FAM91A1: variants seen among roughly 807,000 people sequenced by gnomAD.
FAM91A1 encodes the protein family with sequence similarity 91 member A1.
FAM91A1 carries 41 observed loss-of-function variants against 113.5 expected under a neutral mutation model. The observed-to-expected ratio is 0.36, with a 90% CI of 0.28 to 0.47. The LOEUF is 0.47. Among genes scored for constraint, FAM91A1 ranks in the 20% least tolerant of loss-of-function variants. The pLI, the probability that FAM91A1 is intolerant of heterozygous loss-of-function variation, is 1.00. For synonymous variants in FAM91A1, 307 were observed against 347.9 expected, an observed-to-expected ratio of 0.88 and a Z score of 1.31; for missense variants, 696 against 1,001.2, an observed-to-expected ratio of 0.70 and a Z score of 4.11.
At chr8:123,779,027 A>C (rs1815055829) in intron 6 of FAM91A1, among the ~76,000 whole-genome samples, 1 of 152,198 alleles carries the variant, frequency 6.6e-6, no homozygotes, top group South Asian at 2.1e-4. Flanking sequence ...CTTCGTGTAA[A>C]GTAACATGAT....
At chr8:123,805,730 A>G (rs1312296503) in intron 19 of FAM91A1, among the ~76,000 whole-genome samples, 1 of 152,224 alleles carries the variant, frequency 6.6e-6, no homozygotes, top group East Asian at 1.9e-4. Flanking sequence ...CTTAAAATTT[A>G]CAAAATCTCA....
chr8:123,784,689 C>A, intron 9 of FAM91A1, 113 bp downstream of exon 9: 1 of 612,596 alleles, frequency 1.6e-6, no homozygotes, highest in Non-Finnish European at 2.7e-6. Flanking sequence ...GTGGGGAGAT[C>A]ATACCATTAT....
chr8:123,768,859 G>C, intron 1 of FAM91A1, 85 bp downstream of exon 1: 2 of 1,376,336 alleles, frequency 1.5e-6, no homozygotes, highest in Non-Finnish European at 2.0e-6. Flanking sequence ...GGGCCCGAGC[G>C]GGCTGCTGCC....
Position 123,777,256 on chromosome 8 carries a change from T to G in FAM91A1, c.310-9T>G. ...AGATTTCAAATTTAAATTTTTTTCTTTTTAAAAGGATATTATGAACAGTGA... is the reference window on the plus strand; with the variant it reads ...AGATTTCAAATTTAAATTTTTTTCTGTTTAAAAGGATATTATGAACAGTGA... On this transcript the variant is annotated splice_polypyrimidine_tract_variant and intron_variant, in intron 3 of 23. Coordinates refer to ENST00000334705, the MANE Select transcript of FAM91A1 (RefSeq NM_144963.4). The G allele has an allele frequency of 2.5e-6, 4 of 1,588,518 alleles. No individual in the cohort carries two copies. The highest frequency in any genetic ancestry group is 3.4e-6 in the Non-Finnish European group (4 of 1,166,612).
At chr8:123,785,421 G>T (rs1345242982) in intron 10 of FAM91A1, among the ~76,000 whole-genome samples, 1 of 152,228 alleles carries the variant, frequency 6.6e-6, no homozygotes, top group African/African-American at 2.4e-5. Flanking sequence ...TAGATGTAGG[G>T]AGGGCAAGGC....
intron 15 of FAM91A1, among the ~76,000 whole-genome samples, chr8:123,791,625 T>C (rs756910778): frequency 2.0e-5 from 3 of 152,200 alleles, no homozygotes; most frequent in Non-Finnish European, 2.9e-5. Context: ...CAATTACTTA[T>C]GAAATTTCAT....
At chr8:123,777,958 C>A in intron 4 of FAM91A1, 67 bp from the exon 5 acceptor site, 2 of 1,345,766 alleles carry the variant, frequency 1.5e-6, no homozygotes, top group Non-Finnish European at 2.1e-6. Context: ...TTCCTACAAT[C>A]GCTTGTGAAC....
At chr8:123,776,093 T>G (rs1011329676) in intron 3 of FAM91A1, among the ~76,000 whole-genome samples, 1 of 152,270 alleles carries the variant, frequency 6.6e-6, no homozygotes, top group African/African-American at 2.4e-5. Context: ...GTTAGTAGTC[T>G]TGGCTGTTAA....
intron 14 of FAM91A1, among the ~76,000 whole-genome samples, chr8:123,789,260 T>C (rs966108544): frequency 6.6e-6 from 1 of 152,222 alleles, no homozygotes; most frequent in Non-Finnish European, 1.5e-5. Flanking sequence ...ATGAGAATTA[T>C]AGGTAAAACT....
intron 18 of FAM91A1, among the ~76,000 whole-genome samples, chr8:123,800,635 A>G (rs1435880889): frequency 6.6e-6 from 1 of 152,034 alleles, no homozygotes; most frequent in Non-Finnish European, 1.5e-5. Context: ...TTAAAAAGAA[A>G]CCTTGTATCC....
chr8:123,799,741 G>A, intron 17 of FAM91A1, 31 bp from the exon 18 acceptor site: 1 of 1,604,518 alleles, frequency 6.2e-7, no homozygotes. Flanking sequence ...ATTTCTGAAT[G>A]CCATTTTACC....
intron 15 of FAM91A1, among the ~76,000 whole-genome samples, chr8:123,797,255 T>C (rs953532900): frequency 5.9e-5 from 9 of 152,304 alleles, no homozygotes; most frequent in Admixed American, 2.0e-4. Flanking sequence ...TTTTGACTTA[T>C]GTGCACTCTT....
At chr8:123,795,850 G>C (rs948887558) in intron 15 of FAM91A1, among the ~76,000 whole-genome samples, 2 of 152,186 alleles carry the variant, frequency 1.3e-5, no homozygotes, top group African/African-American at 4.8e-5. Flanking sequence ...AATGTAGTCA[G>C]GTTTCTGGTC....
intron 23 of FAM91A1, 108 bp from the exon 24 acceptor site, chr8:123,812,411 A>AAAAC: frequency 1.1e-6 from 1 of 932,776 alleles, no homozygotes; most frequent in Non-Finnish European, 1.6e-6. Flanking sequence ...ACTGCTTTGC[A>AAAAC]ATCCATAAAC....
chr8:123,814,744 G>A lies in FAM91A1; in HGVS notation c.*2040G>A, dbSNP rs1816034451. On this transcript the variant is annotated 3_prime_UTR_variant, in exon 24 of 24. Coordinates refer to ENST00000334705, the MANE Select transcript of FAM91A1 (RefSeq NM_144963.4). ...GCATTTTTAGAGCTTTTAGCAAAAT[G>A]TGAAAAGCTGATGTTTGCGCCTTGC... The A allele has an allele frequency of 6.6e-6, 1 of 152,610 alleles. No individual in the cohort carries two copies. Among genetic ancestry groups the A allele is most frequent in the Non-Finnish European group, 1.5e-5 (1 of 68,040 alleles). 9.5% of individuals were successfully genotyped at this position (152,610 alleles called of 1,614,324 possible).
At chr8:123,788,133 A>G (rs772911758) in intron 14 of FAM91A1, 5 of 943,992 alleles carry the variant, frequency 5.3e-6, no homozygotes, top group East Asian at 1.2e-4. Context: ...TTTTTGTTCC[A>G]TTTACCTTGA....
chr8:123,778,220 A>G (rs76335885), intron 5 of FAM91A1, 128 bp downstream of exon 5: 8 of 632,440 alleles, frequency 1.3e-5, no homozygotes, highest in African/African-American at 1.9e-5. Context: ...GAAACAATAC[A>G]AAAAAAACTC....
In FAM91A1 at chr8:123,768,599, C is replaced by T. The variant is rs1029403761; in HGVS notation, c.-104C>T. The T allele has an allele frequency of 9.8e-7, 1 of 1,024,584 alleles. No homozygotes were observed. The allele number at this position is 1,024,584 out of a possible 1,614,324, so 63.5% of individuals were successfully genotyped here. On this transcript the variant is annotated 5_prime_UTR_variant, in exon 1 of 24. Coordinates refer to ENST00000334705, the MANE Select transcript of FAM91A1 (RefSeq NM_144963.4). ...CCTGGGCCTTCTGCAGTGTGAGGCG[C>T]GGGGCCTCCCGCGTCGCTCCGCTGA... is the stretch of plus-strand genomic sequence containing the variant.
Position 123,768,692 on chromosome 8 carries a change from G to T in FAM91A1, c.-11G>T, listed in dbSNP as rs1255551470. Reference sequence around the variant, plus strand: ...GTGGCGGCCCCGGCCGCCGGCCCTGGCCGCGGCATCATGAACATAGACGTG... The same window carrying T: ...GTGGCGGCCCCGGCCGCCGGCCCTGTCCGCGGCATCATGAACATAGACGTG... On this transcript the variant is annotated 5_prime_UTR_variant, in exon 1 of 24. Transcript: ENST00000334705. The T allele has an allele frequency of 6.3e-7, 1 of 1,588,914 alleles. No individual in the cohort carries two copies. The highest frequency in any genetic ancestry group is 1.4e-5 in the African/African-American group (1 of 73,676).
Sources: gnomAD v4.1 joint callset for allele counts (sites outside exome capture counted in the v4.1 genomes callset) on GRCh38, gnomAD v4.1.1 for gene constraint, MANE v1.5 for transcripts, NCBI Gene and HGNC (gene_info 2026-07-23, HGNC 2026-07-21) for gene names.